The following GPRIN3 variants were observed in gnomAD, a reference collection of about 807,000 sequenced individuals.
The protein encoded by GPRIN3 is G protein-regulated inducer of neurite outgrowth 3.
GPRIN3 carries 12 observed loss-of-function variants against 13.7 expected under a neutral mutation model. The ratio of observed to expected loss-of-function variants is 0.87; its 90% confidence interval spans 0.56 to 1.42. The LOEUF is 1.42. Among genes scored for constraint, GPRIN3 ranks in the 40% most tolerant of loss-of-function variants. GPRIN3 has a pLI of 0.00. For missense variants in GPRIN3, 1,009 were observed against 958.7 expected (o/e 1.05, Z -0.69); for synonymous variants, 377 against 372.7 (o/e 1.01, Z -0.13).
chr4:89,263,926 G>A (rs1372090920), intron 1 of GPRIN3, among the ~76,000 whole-genome samples: 1 of 152,130 alleles, frequency 6.6e-6, no homozygotes, highest in Admixed American at 6.5e-5. Context: ...CATAATGTAT[G>A]GGGATAAAAG....
chr4:89,282,893 G>C (rs1252411896), intron 1 of GPRIN3, among the ~76,000 whole-genome samples: 8 of 152,152 alleles, frequency 5.3e-5, no homozygotes, highest in African/African-American at 1.9e-4. Flanking sequence ...GCCTAATAAA[G>C]ATATAATAAC....
Position 89,241,353 on chromosome 4 carries a change from G to GCCAAT in GPRIN3, c.*6426_*6427insATTGG, listed in dbSNP as rs1327925949. The GCCAAT allele has an allele frequency of 3.3e-5, 5 of 151,900 alleles. No homozygotes were observed. Among genetic ancestry groups the GCCAAT allele is most frequent in the Non-Finnish European group, 7.4e-5 (5 of 67,974 alleles). The allele number at this position is 151,900 out of a possible 1,614,324, so 9.4% of individuals were successfully genotyped here. ...GAATACAGAAATTGGCCTTTAAATG[G>GCCAAT]GATACGACAAGTTATTTTTTTTACA... On this transcript the variant is annotated 3_prime_UTR_variant, in exon 2 of 2. Transcript: ENST00000609438.
chr4:89,305,795 C>G (rs1725018496), intron 1 of GPRIN3, among the ~76,000 whole-genome samples: 1 of 152,194 alleles, frequency 6.6e-6, no homozygotes, highest in Admixed American at 6.5e-5. Context: ...TTAAAACACT[C>G]AAATTTCAAA....
intron 1 of GPRIN3, among the ~76,000 whole-genome samples, chr4:89,257,252 C>A (rs1015997624): frequency 1.5e-4 from 23 of 152,276 alleles, no homozygotes; most frequent in African/African-American, 5.5e-4. Flanking sequence ...CCCTTCTCCC[C>A]ATCCAGTTTG....
At chr4:89,278,539 T>C (rs968504096) in intron 1 of GPRIN3, among the ~76,000 whole-genome samples, 30 of 152,350 alleles carry the variant, frequency 2.0e-4, no homozygotes, top group African/African-American at 5.1e-4. Context: ...CATTATTCCA[T>C]TGGCGGCACA....
intron 1 of GPRIN3, among the ~76,000 whole-genome samples, chr4:89,259,220 C>T (rs6848410): frequency 0.019 from 2,878 of 152,118 alleles, 95 homozygotes; most frequent in African/African-American, 0.066. Flanking sequence ...TTTTTTGGTC[C>T]GTTTTCAACA....
intron 1 of GPRIN3, among the ~76,000 whole-genome samples, chr4:89,301,758 C>T (rs1724904166): frequency 1.3e-5 from 2 of 151,924 alleles, no homozygotes; most frequent in East Asian, 1.9e-4. Flanking sequence ...CTCTTTTTTC[C>T]TCCAGAAAAT....
At chr4:89,282,299 A>G (rs1347301644) in intron 1 of GPRIN3, among the ~76,000 whole-genome samples, 1 of 152,220 alleles carries the variant, frequency 6.6e-6, no homozygotes, top group East Asian at 1.9e-4. Context: ...ACAAAAATCA[A>G]TGTCATATGA....
At chr4:89,289,816 G>T (rs1430345997) in intron 1 of GPRIN3, among the ~76,000 whole-genome samples, 3 of 152,048 alleles carry the variant, frequency 2.0e-5, no homozygotes, top group Admixed American at 2.0e-4. Flanking sequence ...ATTGTTAAAT[G>T]ACATCTTTTT....
In GPRIN3 at chr4:89,236,929, A is replaced by T. The variant is rs1722807588; in HGVS notation, c.*10851T>A. 1 of 152,200 alleles carries T rather than the reference A, an allele frequency of 6.6e-6. No individual in the cohort carries two copies. Among genetic ancestry groups the T allele is most frequent in the Admixed American group, 6.5e-5 (1 of 15,276 alleles). 9.4% of individuals were successfully genotyped at this position (152,200 alleles called of 1,614,324 possible). The stretch of plus-strand genomic sequence containing the variant: ...TTTGTTTTGGCTTTGGGCTAAAAAA[A>T]CATAGATAACAAGCAAATGCTTTGG... On this transcript the variant is annotated 3_prime_UTR_variant, in exon 2 of 2. Coordinates refer to ENST00000609438, the MANE Select transcript of GPRIN3 (RefSeq NM_198281.3).
intron 1 of GPRIN3, among the ~76,000 whole-genome samples, chr4:89,295,099 G>A (rs927408650): frequency 2.0e-5 from 3 of 152,080 alleles, no homozygotes; most frequent in African/African-American, 4.8e-5. Flanking sequence ...ATGTATTAAC[G>A]ACTACTCCAA....
chr4:89,259,466 AAAC>A (rs1723567068), intron 1 of GPRIN3, among the ~76,000 whole-genome samples: 1 of 152,224 alleles, frequency 6.6e-6, no homozygotes, highest in East Asian at 1.9e-4. Context: ...TCTCAGGGTT[AAAC>A]AACACGCTAA....
At position 89,249,116 on chromosome 4, in the gene GPRIN3, G is replaced by A. The variant is rs1416539024; in HGVS notation, c.995C>T (p.Ser332Phe). 6.2e-7 allele frequency: 1 copy of A among 1,614,030 alleles called. No individual in the cohort carries two copies. Among genetic ancestry groups the A allele is most frequent in the Non-Finnish European group, 8.5e-7 (1 of 1,180,034 alleles). ...VQAVASVESRSVSTSPSILTA... is the reference protein window; with the variant it reads ...VQAVASVESRFVSTSPSILTA... ...GAGGATACTGGGGCTGGTGGAGACGGATCTGCTCTCGACACTCGCCACTGC... is the reference window on the plus strand; with the variant it reads ...GAGGATACTGGGGCTGGTGGAGACGAATCTGCTCTCGACACTCGCCACTGC... The change falls in exon 2 of 2, where the codon TCC (serine) becomes TTC (phenylalanine). Residue 332 changes from serine to phenylalanine, a missense_variant. Transcript: ENST00000609438.
At chr4:89,284,370 G>A (rs774135908) in intron 1 of GPRIN3, among the ~76,000 whole-genome samples, 1 of 152,210 alleles carries the variant, frequency 6.6e-6, no homozygotes, top group South Asian at 2.1e-4. Context: ...AATGCCTCTA[G>A]GATCAGATTA....
chr4:89,288,056 T>TAATTTGAA (rs1724470533), intron 1 of GPRIN3, among the ~76,000 whole-genome samples: 3 of 152,182 alleles, frequency 2.0e-5, no homozygotes, highest in African/African-American at 4.8e-5. Context: ...TAATGTACTG[T>TAATTTGAA]CTAATTTCGG....
chr4:89,264,109 A>G, intron 1 of GPRIN3, among the ~76,000 whole-genome samples: 1 of 152,080 alleles, frequency 6.6e-6, no homozygotes, highest in East Asian at 1.9e-4. Context: ...TCTTTCCAAA[A>G]CTCGTGTTGA....
chr4:89,273,400 G>A (rs756556296), intron 1 of GPRIN3, among the ~76,000 whole-genome samples: 1 of 152,164 alleles, frequency 6.6e-6, no homozygotes, highest in Admixed American at 6.5e-5. Flanking sequence ...AACATGCCTC[G>A]GTCGGGCGCA....
rs1723248282 is a variant in GPRIN3, at chr4:89,249,465, C to T, written c.646G>A (p.Val216Ile). The change falls in exon 2 of 2, where the codon GTA becomes ATA. Residue 216 changes from valine to isoleucine, a missense_variant. Coordinates refer to ENST00000609438, the MANE Select transcript of GPRIN3 (RefSeq NM_198281.3). ...ARVVSHSSSP[V>I]GGPEGERQGA... ...TGCCTTTCCCCTTCAGGTCCACCTA[C>T]AGGAGAGGATGAGTGACTGACCACC... The T allele has an allele frequency of 6.2e-7, 1 of 1,614,098 alleles. No individual in the cohort carries two copies. Among genetic ancestry groups the T allele is most frequent in the Non-Finnish European group, 8.5e-7 (1 of 1,180,018 alleles).
At position 89,247,967 on chromosome 4, in the gene GPRIN3, C is replaced by G. The variant is rs781359861; in HGVS notation, c.2144G>C (p.Arg715Thr). ...LGIAIQNHLQ[R>T]QIREHEKLIK... Reference sequence around the variant, plus strand: ...TAATTTCTCATGTTCCCTGATTTGTCTTTGCAAATGGTTCTGGATCGCGAT... The same window carrying G: ...TAATTTCTCATGTTCCCTGATTTGTGTTTGCAAATGGTTCTGGATCGCGAT... Residue 715 changes from arginine (R) to threonine (T), a missense_variant, in exon 2 of 2, where the codon AGA becomes ACA. Physicochemically the swap from Arg to Thr is moderately conservative, Grantham distance 71 (BLOSUM62 -1). Coordinates refer to ENST00000609438, the MANE Select transcript of GPRIN3 (RefSeq NM_198281.3). The G allele has an allele frequency of 6.2e-7, 1 of 1,614,174 alleles. No homozygotes were observed. The highest frequency in any genetic ancestry group is 8.5e-7 in the Non-Finnish European group (1 of 1,180,028).
Sources: gnomAD v4.1 joint callset for allele counts (sites outside exome capture counted in the v4.1 genomes callset) on GRCh38, gnomAD v4.1.1 for gene constraint, MANE v1.5 for transcripts, NCBI Gene and HGNC (gene_info 2026-07-23, HGNC 2026-07-21) for gene names.